SUFU: variants seen among roughly 807,000 people sequenced by gnomAD.
SUFU encodes the protein SUFU negative regulator of hedgehog signaling.
In SUFU, 7 loss-of-function variants were observed where a neutral mutation model predicts 58.9. That is an observed-to-expected ratio of 0.12 (90% confidence interval 0.07 to 0.22). The LOEUF is 0.22. Ranked by LOEUF, SUFU falls within the 10% of genes least tolerant of loss-of-function variation. The probability of loss-of-function intolerance (pLI) is 1.00; values close to 1 mark genes in which losing one functional copy is unlikely to be tolerated. For synonymous variants in SUFU, 232 were observed against 254.8 expected, an observed-to-expected ratio of 0.91 and a Z score of 0.85; for missense variants, 451 against 641.3, an observed-to-expected ratio of 0.70 and a Z score of 3.20.
At chr10:102,515,843 G>T (rs2062461947) in intron 2 of SUFU, among the ~76,000 whole-genome samples, 1 of 152,152 alleles carries the variant, frequency 6.6e-6, no homozygotes, top group Admixed American at 6.5e-5. Context: ...CCTCCCTGAA[G>T]CCTGGTCCCT....
At chr10:102,568,243 T>G (rs930360559) in intron 3 of SUFU, among the ~76,000 whole-genome samples, 1 of 151,740 alleles carries the variant, frequency 6.6e-6, no homozygotes, top group Non-Finnish European at 1.5e-5. Flanking sequence ...TGATTATACA[T>G]GCTGAAAAGA....
At chr10:102,564,172 C>T (rs1162093343) in intron 3 of SUFU, among the ~76,000 whole-genome samples, 3 of 152,222 alleles carry the variant, frequency 2.0e-5, no homozygotes, top group Admixed American at 6.5e-5. Context: ...GTTCAGAGTA[C>T]GTCCCCAGGT....
chr10:102,547,297 A>T (rs1047943241), intron 2 of SUFU, among the ~76,000 whole-genome samples: 9 of 152,184 alleles, frequency 5.9e-5, no homozygotes, highest in Non-Finnish European at 1.2e-4. Flanking sequence ...CTGCAGCTCC[A>T]GGGAGGTAGC....
chr10:102,509,379 G>A (rs1388219684), intron 2 of SUFU, 76 bp downstream of exon 2: 2 of 1,584,662 alleles, frequency 1.3e-6, no homozygotes, highest in Non-Finnish European at 1.7e-6. Context: ...CAATGTCATA[G>A]TGCTGTGAGC....
intron 3 of SUFU, among the ~76,000 whole-genome samples, chr10:102,562,134 A>G (rs1275158380): frequency 6.6e-6 from 1 of 152,194 alleles, no homozygotes; most frequent in Non-Finnish European, 1.5e-5. Flanking sequence ...AGGAACCTCA[A>G]TGCATTGTAG....
At chr10:102,585,402 T>C (rs1366135477) in intron 3 of SUFU, among the ~76,000 whole-genome samples, 1 of 152,242 alleles carries the variant, frequency 6.6e-6, no homozygotes, top group Non-Finnish European at 1.5e-5. Flanking sequence ...ATATTAGTAT[T>C]TTGTTCCTTT....
intron 2 of SUFU, among the ~76,000 whole-genome samples, chr10:102,539,716 T>G (rs1252335070): frequency 6.6e-6 from 1 of 152,194 alleles, no homozygotes. Flanking sequence ...CCATATTTAC[T>G]TACTTATTCA....
intron 8 of SUFU, among the ~76,000 whole-genome samples, chr10:102,607,169 C>T (rs1037854991): frequency 7.2e-5 from 11 of 151,916 alleles, no homozygotes; most frequent in South Asian, 2.1e-4. Flanking sequence ...CCTCCTCAGC[C>T]TCCTGAGTAT....
In SUFU at chr10:102,630,905, C is replaced by A; in HGVS notation, c.*750C>A. Reference sequence around the variant, plus strand: ...CTTCCCAGCTGGGCCTGGTGGAGCCCGGGGCAGGGGGAGAGTAGAGACACT... The same window carrying A: ...CTTCCCAGCTGGGCCTGGTGGAGCCAGGGGCAGGGGGAGAGTAGAGACACT... On this transcript the variant is annotated 3_prime_UTR_variant, in exon 12 of 12. Coordinates refer to ENST00000369902, the MANE Select transcript of SUFU (RefSeq NM_016169.4). 1 of 235,290 alleles carries A rather than the reference C, an allele frequency of 4.3e-6. No homozygotes were observed. The highest frequency in any genetic ancestry group is 8.4e-6 in the Non-Finnish European group (1 of 119,536). The allele number at this position is 235,290 out of a possible 1,614,324, so 14.6% of individuals were successfully genotyped here.
intron 3 of SUFU, among the ~76,000 whole-genome samples, chr10:102,566,915 A>G (rs2063096477): frequency 7.0e-6 from 1 of 143,004 alleles, no homozygotes; most frequent in Non-Finnish European, 1.5e-5. Context: ...ACTGCACTCC[A>G]GCCTGGGTGA....
intron 3 of SUFU, among the ~76,000 whole-genome samples, chr10:102,550,444 T>A (rs2062900854): frequency 6.6e-6 from 1 of 152,206 alleles, no homozygotes; most frequent in Non-Finnish European, 1.5e-5. Flanking sequence ...TCCCATCTGA[T>A]CTCAGATTTT....
At chr10:102,544,927 T>C (rs1199433955) in intron 2 of SUFU, among the ~76,000 whole-genome samples, 1 of 152,220 alleles carries the variant, frequency 6.6e-6, no homozygotes, top group Non-Finnish European at 1.5e-5. Context: ...AGGTCATCCA[T>C]GTTATAGCGT....
rs886046663 is a variant in SUFU, at chr10:102,632,798, C to G, written c.*2643C>G. 2.0e-4 allele frequency: 46 copies of G among 233,332 alleles called. No homozygotes were observed. The highest frequency in any genetic ancestry group is 5.6e-5 in the Admixed American group (1 of 17,780). The allele number at this position is 233,332 out of a possible 1,614,324, so 14.5% of individuals were successfully genotyped here. A position where few individuals can be genotyped will look rare whatever the true frequency, so the allele number is the denominator to read the frequency against. ...CTTCTGAGAAGGGCCTTTCCCTTTCCTCTTTGCCTGCTATATAAGGCAGGC... is the reference window on the plus strand; with the variant it reads ...CTTCTGAGAAGGGCCTTTCCCTTTCGTCTTTGCCTGCTATATAAGGCAGGC... On this transcript the variant is annotated 3_prime_UTR_variant, in exon 12 of 12. Transcript: ENST00000369902.
chr10:102,598,159 T>A (rs538633203), intron 7 of SUFU, among the ~76,000 whole-genome samples: 1 of 146,654 alleles, frequency 6.8e-6, no homozygotes, highest in East Asian at 2.0e-4. Flanking sequence ...GAGCCCTTTC[T>A]TTTTTTTTTT....
chr10:102,627,876 C>T (rs1404488325), intron 11 of SUFU, among the ~76,000 whole-genome samples: 1 of 152,124 alleles, frequency 6.6e-6, no homozygotes, highest in East Asian at 1.9e-4. Context: ...CTCCCTTGTT[C>T]CCGGCATCCT....
At chr10:102,581,779 A>G (rs1468433570) in intron 3 of SUFU, among the ~76,000 whole-genome samples, 1 of 152,192 alleles carries the variant, frequency 6.6e-6, no homozygotes, top group Non-Finnish European at 1.5e-5. Flanking sequence ...AAGCCCCCCT[A>G]GGACCAGCTC....
intron 1 of SUFU, 110 bp from the exon 2 acceptor site, chr10:102,509,059 C>T (rs2062365417): frequency 2.7e-6 from 4 of 1,478,072 alleles, no homozygotes; most frequent in Non-Finnish European, 3.8e-6. Flanking sequence ...TTACCTTTCA[C>T]CCAGGTTCCT....
Position 102,594,060 on chromosome 10 carries a change from C to T in SUFU, c.751C>T (p.Leu251=), listed in dbSNP as rs754583077. 1 of 1,614,104 alleles carries T rather than the reference C, an allele frequency of 6.2e-7. No individual in the cohort carries two copies. Among genetic ancestry groups the T allele is most frequent in the Non-Finnish European group, 8.5e-7 (1 of 1,179,972 alleles). ...GETIFEIDPH[L]QERVDKGIET... ...GACCATATTTGAGATCGATCCACAC[C>T]TGCAAGTATGTCTTGAGTGAGGAAA... The change falls in exon 6 of 12, where the codon CTG becomes TTG. Residue 251 remains leucine (L), a synonymous_variant. Coordinates refer to ENST00000369902, the MANE Select transcript of SUFU (RefSeq NM_016169.4).
intron 1 of SUFU, among the ~76,000 whole-genome samples, chr10:102,505,746 G>A (rs1441027362): frequency 2.0e-5 from 3 of 152,214 alleles, no homozygotes; most frequent in Admixed American, 1.3e-4. Context: ...TGGAACTGGT[G>A]TCGCAGTCCT....
Sources: gnomAD v4.1 joint callset for allele counts (sites outside exome capture counted in the v4.1 genomes callset) on GRCh38, gnomAD v4.1.1 for gene constraint, MANE v1.5 for transcripts, NCBI Gene and HGNC (gene_info 2026-07-23, HGNC 2026-07-21) for gene names.